ZNF124: variants seen among roughly 807,000 people sequenced by gnomAD.
ZNF124 encodes the protein zinc finger protein 124, also known as zinc finger protein HZF-16.
Under a neutral mutation model 26.6 loss-of-function variants are expected in ZNF124, and 25 were observed. The ratio of observed to expected loss-of-function variants is 0.94; its 90% CI spans 0.68 to 1.31. The LOEUF (loss-of-function observed/expected upper bound fraction) is 1.31. ZNF124 is among the 40% of genes most tolerant of loss of function. The pLI, the probability that ZNF124 is intolerant of heterozygous loss-of-function variation, is 0.00. For synonymous variants in ZNF124, 129 were observed against 133.3 expected, an observed-to-expected ratio of 0.97 and a Z score of 0.22; for missense variants, 444 against 422.2, an observed-to-expected ratio of 1.05 and a Z score of -0.45.
chr1:247,157,925 A>G (rs1473986005), intron 3 of ZNF124, among the ~76,000 whole-genome samples: 1 of 150,506 alleles, frequency 6.6e-6, no homozygotes, highest in Non-Finnish European at 1.5e-5. Context: ...TTCTCGCTCT[A>G]TTAGTTCCTG....
At chr1:247,130,107 T>G (rs1572056338) in intron 3 of ZNF124, among the ~76,000 whole-genome samples, 1 of 152,344 alleles carries the variant, frequency 6.6e-6, no homozygotes, top group East Asian at 1.9e-4. Context: ...AAATACTTGT[T>G]CACTTATTTT....
At position 247,159,797 on chromosome 1, in the gene ZNF124, T is replaced by C; in HGVS notation, c.47A>G (p.Glu16Gly). The part of the protein sequence containing the change: ...GSWEMNSVAF[E>G]DVAVNFTQEE... ...CTGGGTGAAGTTCACAGCCACATCC[T>C]CAAAGGCAACCGAGTTCTAAAATAT... Residue 16 changes from glutamate (E) to glycine (G), a missense_variant, in exon 2 of 4, where the codon GAG becomes GGG. By Grantham distance (98) the Glu-to-Gly change is moderately conservative (BLOSUM62 -2). Coordinates refer to ENST00000543802, the MANE Select transcript of ZNF124 (RefSeq NM_001297568.2). The C allele has an allele frequency of 6.2e-7, 1 of 1,612,124 alleles. No individual in the cohort carries two copies. The highest frequency in any genetic ancestry group is 1.1e-5 in the South Asian group (1 of 90,716).
exon 4 of ZNF124, chr1:247,123,287 C>G (rs1672123260): frequency 6.6e-6 from 1 of 152,518 alleles, no homozygotes; most frequent in South Asian, 2.1e-4. Flanking sequence ...ATCTCCGCCT[C>G]CCGGGTTCAT....
chr1:247,142,000 G>A (rs912725961), intron 3 of ZNF124, among the ~76,000 whole-genome samples: 1 of 152,204 alleles, frequency 6.6e-6, no homozygotes, highest in Non-Finnish European at 1.5e-5. Flanking sequence ...CTCCCAGGTG[G>A]CCTGGGTTCC....
intron 3 of ZNF124, among the ~76,000 whole-genome samples, chr1:247,158,022 G>A (rs919398608): frequency 3.3e-5 from 5 of 152,026 alleles, no homozygotes; most frequent in Non-Finnish European, 5.9e-5. Context: ...GGCCAAGGTG[G>A]GCAGATCACT....
intron 3 of ZNF124, among the ~76,000 whole-genome samples, chr1:247,135,133 C>T (rs994681813): frequency 4.6e-5 from 7 of 151,832 alleles, no homozygotes; most frequent in African/African-American, 1.7e-4. Flanking sequence ...TAAATGCCTA[C>T]ATCAGAAAGC....
At chr1:247,157,471 C>G in intron 3 of ZNF124, 68 bp from the exon 4 acceptor site, 1 of 1,474,768 alleles carries the variant, frequency 6.8e-7, no homozygotes, top group East Asian at 2.5e-5. Context: ...TTTACTCTAG[C>G]AGGAATTTTT....
intron 1 of ZNF124, among the ~76,000 whole-genome samples, chr1:247,162,906 G>C: frequency 6.6e-6 from 1 of 152,124 alleles, no homozygotes; most frequent in Non-Finnish European, 1.5e-5. Flanking sequence ...AGATATTTGA[G>C]ATCTGAACTC....
chr1:247,170,114 A>G (rs1674014906), intron 1 of ZNF124, among the ~76,000 whole-genome samples: 1 of 126,672 alleles, frequency 7.9e-6, no homozygotes, highest in Non-Finnish European at 1.6e-5. Flanking sequence ...GAAGGTTCCA[A>G]AGGGAAACCT....
rs117674291 is a variant in ZNF124, at chr1:247,140,270, C to T, written c.219-16399G>A. ...GAGTCTTTCCTCCACTTGGTCTATT[C>T]TGCTGTTAATACTTGTGACTGCATT... On this transcript the variant is annotated intron_variant, in intron 3 of 3. Coordinates refer to the ZNF124 transcript ENST00000472531. Among the ~76,000 whole-genome samples, 474 of 152,324 alleles carry T rather than the reference C, an allele frequency of 3.1e-3. 15 individuals carry two copies. The East Asian group carries it at 0.066, about 21-fold the overall frequency.
intron 3 of ZNF124, among the ~76,000 whole-genome samples, chr1:247,132,818 C>A (rs1445549980): frequency 6.6e-6 from 1 of 152,006 alleles, no homozygotes; most frequent in Non-Finnish European, 1.5e-5. Flanking sequence ...AGTCACATAC[C>A]CCCTGCTTGC....
chr1:247,138,463 T>C (rs1303845840), intron 3 of ZNF124: 1 of 218,730 alleles, frequency 4.6e-6, no homozygotes, highest in Middle Eastern at 1.2e-3. Context: ...CCAGGGGCTG[T>C]TGGGGGTTGG....
rs1673110165 is a variant in ZNF124 at position 247,155,999 on chromosome 1, G to C, written c.*567C>G. ...GCTCCTAAAACATCTCATTCACATA[G>C]TGAATTTTCTTGAGAATTGTACTAT... On this transcript the variant is annotated 3_prime_UTR_variant, in exon 4 of 4. Coordinates refer to ENST00000543802, the MANE Select transcript of ZNF124 (RefSeq NM_001297568.2). 7 of 946,340 alleles carry C rather than the reference G, an allele frequency of 7.4e-6. No individual in the cohort carries two copies. Among genetic ancestry groups the C allele is most frequent in the Non-Finnish European group, 8.8e-6 (7 of 795,224 alleles). 58.6% of individuals were successfully genotyped at this position (946,340 alleles called of 1,614,324 possible). A position where few individuals can be genotyped will look rare whatever the true frequency, so the allele number is the denominator to read the frequency against.
rs754505179 is a variant in ZNF124, at chr1:247,157,396, T to C, written c.226A>G (p.Ile76Val). The C allele has an allele frequency of 1.5e-4, 237 of 1,552,254 alleles. No homozygotes were observed. Among genetic ancestry groups the C allele is most frequent in the Non-Finnish European group, 2.0e-4 (229 of 1,147,236 alleles). Residue 76 changes from isoleucine (I) to valine (V), a missense_variant, in exon 4 of 4, where the codon ATA becomes GTA. Transcript: ENST00000543802. The part of the protein sequence containing the change: ...KNSSRNLRHI[I>V]SHSGNNPYGC... ...TATGGGTTGTTTCCAGAATGAGATA[T>C]GATGTGCCTATGAAGGGATGAATGA... is the stretch of plus-strand genomic sequence containing the variant.
In ZNF124 at chr1:247,157,269, C is replaced by G. The variant is rs1166204135; in HGVS notation, c.353G>C (p.Gly118Ala). 6.2e-6 allele frequency: 10 copies of G among 1,612,168 alleles called. No homozygotes were observed. The highest frequency in any genetic ancestry group is 3.3e-4 in the Middle Eastern group (2 of 6,084). Reference sequence around the variant, plus strand: ...TATTGTACAACCATAATGTCCATTTCCAGTGTGCATTACTGTGTCTCTGTG... The same window carrying G: ...TATTGTACAACCATAATGTCCATTTGCAGTGTGCATTACTGTGTCTCTGTG... ...RVHRDTVMHT[G>A]NGHYGCTICE... is the part of the protein sequence containing the mutation. Residue 118 changes from glycine (G) to alanine (A), a missense_variant, in exon 4 of 4, where the codon GGA becomes GCA. Gly to Ala is a moderately conservative substitution (Grantham distance 60). Coordinates refer to ENST00000543802, the MANE Select transcript of ZNF124 (RefSeq NM_001297568.2).
intron 1 of ZNF124, among the ~76,000 whole-genome samples, chr1:247,160,376 T>C (rs1468931071): frequency 2.6e-5 from 4 of 152,216 alleles, no homozygotes; most frequent in Non-Finnish European, 4.4e-5. Flanking sequence ...TAATATTTGC[T>C]GTTATGATTT....
chr1:247,145,955 G>A (rs995346966), intron 3 of ZNF124, among the ~76,000 whole-genome samples: 8 of 152,224 alleles, frequency 5.3e-5, no homozygotes, highest in Non-Finnish European at 1.0e-4. Flanking sequence ...GGACACAGCA[G>A]TAAATCAGCT....
chr1:247,152,263 TA>T (rs1261955456), downstream of ZNF124, among the ~76,000 whole-genome samples: 2 of 150,856 alleles, frequency 1.3e-5, no homozygotes, highest in Non-Finnish European at 3.0e-5. Flanking sequence ...CGACAGTGTT[TA>T]AAAGTAAGCT....
chr1:247,162,618 C>CA (rs201609845), intron 1 of ZNF124, among the ~76,000 whole-genome samples: 8,003 of 77,936 alleles, frequency 0.1, 332 homozygotes, highest in Middle Eastern at 0.17. Context: ...TAACCCTTGG[C>CA]AAAAAAAAAA....
Sources: gnomAD v4.1 joint callset for allele counts (sites outside exome capture counted in the v4.1 genomes callset) on GRCh38, gnomAD v4.1.1 for gene constraint, MANE v1.5 for transcripts, NCBI Gene and HGNC (gene_info 2026-07-23, HGNC 2026-07-21) for gene names.